The following TTN variants were observed in gnomAD, a reference collection of about 807,000 sequenced individuals.
TTN encodes connectin.
TTN carries 1,525 observed loss-of-function variants against 3,223.0 expected under a neutral mutation model. The ratio of observed to expected loss-of-function variants is 0.47; its 90% CI spans 0.45 to 0.49. TTN has a LOEUF of 0.49. TTN is among the 20% of genes least tolerant of loss of function. The probability of loss-of-function intolerance (pLI) is 0.00; values close to 1 mark genes in which losing one functional copy is unlikely to be tolerated. For synonymous variants in TTN, 14,094 were observed against 15,161.0 expected (o/e 0.93, Z 5.17); for missense variants, 40,786 against 43,424.0 (o/e 0.94, Z 5.40).
In TTN at chr2:178,642,309, C is replaced by G. The variant is rs767861982; in HGVS notation, c.40486G>C (p.Gly13496Arg). 1 of 1,586,622 alleles carries G rather than the reference C, an allele frequency of 6.3e-7. No individual in the cohort carries two copies. The highest frequency in any genetic ancestry group is 8.6e-7 in the Non-Finnish European group (1 of 1,166,066). ...VELTPLKVPG[G>R]EKKVRKLLPE... Reference sequence around the variant, plus strand: ...AGTAATTTGCGAACTTTCTTTTCACCTCCAGGCACTTAAAAGAATATGATT... The same window carrying G: ...AGTAATTTGCGAACTTTCTTTTCACGTCCAGGCACTTAAAAGAATATGATT... The change falls in exon 219 of 363, where the codon GGT becomes CGT. Residue 13496 changes from glycine (G) to arginine (R), a missense_variant. By Grantham distance (125) the Gly-to-Arg change is moderately radical. Transcript: ENST00000589042.
In TTN at chr2:178,730,709, CT is replaced by C. The variant is rs2154308403; in HGVS notation, c.17823del (p.Ile5941MetfsTer8). 3.7e-6 allele frequency: 6 copies of C among 1,613,582 alleles called. No individual in the cohort carries two copies. The highest frequency in any genetic ancestry group is 5.1e-6 in the Non-Finnish European group (6 of 1,179,646). On this transcript the variant is annotated frameshift_variant, in exon 61 of 363. Transcript: ENST00000589042. LOFTEE classifies it high-confidence loss of function. Reference sequence around the variant, plus strand: ...ATGCTTATGGGATGTGACCCAGCCACTATACATTCTAAATCAATGAAAGAAC... The same window carrying C: ...ATGCTTATGGGATGTGACCCAGCCACATACATTCTAAATCAATGAAAGAAC... ...IKGSFIDLECIVAGSHPISIQ... is the reference protein window; with the variant it reads ...IKGSFIDLECXVAGSHPISIQ...
chr2:178,711,066 G>A lies in TTN; in HGVS notation c.28170C>T (p.Leu9390=), dbSNP rs149910892. The change falls in exon 97 of 363, where the codon CTC becomes CTT. Residue 9390 remains leucine (L), a synonymous_variant. Coordinates refer to ENST00000589042, the MANE Select transcript of TTN (RefSeq NM_001267550.2). ...AAAGTTTAAGAATCCACAAACCTGT[G>A]AGAATGAGCCTGGCACTGGAAGAAG... ...GSASSSARLI[L]TEGKNPPFFD... 79 of 1,576,416 alleles carry A rather than the reference G, an allele frequency of 5.0e-5. No homozygotes were observed. The African/African-American group carries it at 9.3e-4, about 19-fold the overall frequency.
chr2:178,536,904 C>T, intron 356 of TTN, 34 bp downstream of exon 356: 1 of 1,528,382 alleles, frequency 6.5e-7, no homozygotes, highest in Non-Finnish European at 8.8e-7. Context: ...TGGAACTTTA[C>T]CATAGGAAGA....
At position 178,553,054 on chromosome 2, in the gene TTN, G is replaced by A. The variant is rs1284316750; in HGVS notation, c.89846C>T (p.Thr29949Ile). 1.2e-6 allele frequency: 2 copies of A among 1,612,362 alleles called. No individual in the cohort carries two copies. The highest frequency in any genetic ancestry group is 1.7e-6 in the Non-Finnish European group (2 of 1,179,610). ...AGGAGGATCCCAGAGCAAAGTGACTGTGCCTCGAGAAACATGTTTAACCTG... is the reference window on the plus strand; with the variant it reads ...AGGAGGATCCCAGAGCAAAGTGACTATGCCTCGAGAAACATGTTTAACCTG... ...KLQVKHVSRG[T>I]VTLLWDPPLI... The change falls in exon 335 of 363, where the codon ACA (threonine) becomes ATA (isoleucine). Residue 29949 changes from threonine (T) to isoleucine (I), a missense_variant. Physicochemically the swap from Thr to Ile is moderately conservative, Grantham distance 89. Transcript: ENST00000589042.
Position 178,675,240 on chromosome 2 carries a change from C to T in TTN, c.34538-127G>A, listed in dbSNP as rs1000828748. The T allele has an allele frequency of 6.3e-5, 35 of 555,696 alleles. 3 individuals are homozygous for T. The South Asian group carries it at 9.5e-4, about 15-fold the overall frequency. The allele number at this position is 555,696 out of a possible 1,614,324, so 34.4% of individuals were successfully genotyped here. On this transcript the variant is annotated intron_variant, in intron 149 of 362. Coordinates refer to ENST00000589042, the MANE Select transcript of TTN (RefSeq NM_001267550.2). ...GCACATACACAAGATGAAACATTGA[C>T]ATTTCACAGAATCGGTTAATGAGAA...
intron 281 of TTN, 43 bp downstream of exon 281, chr2:178,604,665 A>G: frequency 1.3e-6 from 2 of 1,530,776 alleles, no homozygotes; most frequent in Non-Finnish European, 1.8e-6. Flanking sequence ...AACCAGAGTC[A>G]TGTACTTTTA....
Position 178,675,027 on chromosome 2 carries a change from A to G in TTN, c.34612+12T>C. The G allele has an allele frequency of 6.7e-7, 1 of 1,482,708 alleles. No homozygotes were observed. Among genetic ancestry groups the G allele is most frequent in the Non-Finnish European group, 9.0e-7 (1 of 1,114,612 alleles). The allele number at this position is 1,482,708 out of a possible 1,614,324, so 91.8% of individuals were successfully genotyped here. ...TGACTTTGAAATGTTATTTTCTTAG[A>G]AAGTTATCTACCTTCAACTGGTAGA... On this transcript the variant is annotated intron_variant, in intron 150 of 362. Coordinates refer to ENST00000589042, the MANE Select transcript of TTN (RefSeq NM_001267550.2).
Position 178,576,710 on chromosome 2 carries a change from C to T in TTN, c.69534G>A (p.Arg23178=). ...CCCATCGCAGGCTTTTCTTTTCTCT[C>T]CTTTCTACATGATATCCTGTAATTT... ...GSEITGYHVE[R]REKKSLRWVR... The change falls in exon 325 of 363, where the codon AGG becomes AGA. Residue 23178 remains arginine (R), a synonymous_variant. Transcript: ENST00000589042. The surrounding 1 kb of genome is among the most constrained non-coding windows in gnomAD (Gnocchi z 4.3). 6.2e-7 allele frequency: 1 copy of T among 1,613,532 alleles called. No homozygotes were observed. Among genetic ancestry groups the T allele is most frequent in the Non-Finnish European group, 8.5e-7 (1 of 1,179,620 alleles).
At chr2:178,722,188 G>T in intron 77 of TTN, 54 bp from the exon 78 acceptor site, 1 of 1,528,822 alleles carries the variant, frequency 6.5e-7, no homozygotes, top group Non-Finnish European at 8.8e-7. Flanking sequence ...TTTTGCCATT[G>T]GTCGTTTCTA....
chr2:178,591,021 T>C lies in TTN; in HGVS notation c.60704A>G (p.His20235Arg), dbSNP rs2050096769. Residue 20235 changes from histidine (H) to arginine (R), a missense_variant, in exon 304 of 363, where the codon CAT becomes CGT. His to Arg is a conservative substitution (Grantham distance 29). Transcript: ENST00000589042. The stretch of plus-strand genomic sequence containing the variant: ...AACATATTCACAGCCCTTCTGCAGA[T>C]GTGGGATTTTCAGCTTTGTCTTACT... ...GSSKTKLKIP[H>R]LQKGCEYVFR... The C allele has an allele frequency of 1.2e-6, 2 of 1,613,392 alleles. No homozygotes were observed. The highest frequency in any genetic ancestry group is 1.3e-5 in the African/African-American group (1 of 74,888).
intron 131 of TTN, 124 bp from the exon 132 acceptor site, chr2:178,684,537 G>A (rs1157916484): frequency 7.5e-7 from 1 of 1,341,426 alleles, no homozygotes; most frequent in Non-Finnish European, 1.0e-6. Flanking sequence ...AACATCACAA[G>A]TAATACTCTA....
chr2:178,546,656 C>G lies in TTN; in HGVS notation c.94772G>C (p.Gly31591Ala). 10 of 1,613,722 alleles carry G rather than the reference C, an allele frequency of 6.2e-6. No homozygotes were observed. Among genetic ancestry groups the G allele is most frequent in the Non-Finnish European group, 8.5e-6 (10 of 1,179,730 alleles). ...EFRVLAKNAA[G>A]VISKGSESTG... Reference sequence around the variant, plus strand: ...AGATTCAGACCCTTTGCTAATTACGCCTGCTGCATTCTTGGCTAACACACG... The same window carrying G: ...AGATTCAGACCCTTTGCTAATTACGGCTGCTGCATTCTTGGCTAACACACG... Residue 31591 changes from glycine to alanine, a missense_variant, in exon 341 of 363, where the codon GGC becomes GCC. Coordinates refer to ENST00000589042, the MANE Select transcript of TTN (RefSeq NM_001267550.2).
rs371711135 is a variant in TTN, at chr2:178,569,394, T to C, written c.76738A>G (p.Thr25580Ala). 1.7e-5 allele frequency: 27 copies of C among 1,613,292 alleles called. No homozygotes were observed. In the African/African-American group the frequency reaches 2.0e-4, roughly 12 times the overall value. Residue 25580 changes from threonine (T) to alanine (A), a missense_variant, in exon 326 of 363, where the codon ACG (threonine) becomes GCG (alanine). Physicochemically the swap from Thr to Ala is moderately conservative, Grantham distance 58 (BLOSUM62 0). Coordinates refer to ENST00000589042, the MANE Select transcript of TTN (RefSeq NM_001267550.2). ...CCACTGCTGTTTTCTAATGTAAGCG[T>C]ATATTTTCCACTATCATATCGGTTG... ...NVNRYDSGKY[T>A]LTLENSSGTK...
rs886039080 is a variant in TTN at position 178,567,639 on chromosome 2, C to T, written c.78493G>A (p.Ala26165Thr). The T allele has an allele frequency of 9.9e-6, 16 of 1,612,118 alleles. No homozygotes were observed. The highest frequency in any genetic ancestry group is 2.2e-5 in the East Asian group (1 of 44,786). The change falls in exon 326 of 363, where the codon GCA becomes ACA. Residue 26165 changes from alanine to threonine, a missense_variant. By Grantham distance (58) the Ala-to-Thr change is moderately conservative (BLOSUM62 0). Transcript: ENST00000589042. ...EDQRYEFRVI[A>T]KNAAGAISKP... is the part of the protein sequence containing the mutation. ...CTTATTGCACCAGCTGCATTCTTTG[C>T]AATGACTCTGAATTCATATCTTTGA...
chr2:178,685,110 T>A, intron 129 of TTN, 121 bp from the exon 130 acceptor site: 1 of 1,137,188 alleles, frequency 8.8e-7, no homozygotes. Context: ...ATGACTATAC[T>A]CAGTAAATAC....
Position 178,739,856 on chromosome 2 carries a change from A to T in TTN, c.13377T>A (p.Ile4459=). ...KSVTEEVTII[I]EDVDPQMANL... ...TAGCCATTTGAGGATCAACATCTTC[A>T]ATAATGATGGTTACTTCTTCTGTTA... Residue 4459 remains isoleucine, a synonymous_variant, in exon 48 of 363, where the codon ATT becomes ATA. Transcript: ENST00000589042. The T allele has an allele frequency of 6.2e-7, 1 of 1,613,928 alleles. No homozygotes were observed. Among genetic ancestry groups the T allele is most frequent in the Non-Finnish European group, 8.5e-7 (1 of 1,179,836 alleles).
rs1240773948 is a variant in TTN at position 178,635,706 on chromosome 2, C to G, written c.41618G>C (p.Arg13873Thr). ...SSCVKVVEVI[R>T]DWLVKPIRDQ... ...TCGTATAGGTTTCACCAGCCAATCT[C>G]TAATGACTTCTATATGAAAATAAGA... Residue 13873 changes from arginine (R) to threonine (T), a missense_variant, in exon 227 of 363, where the codon AGA becomes ACA. Transcript: ENST00000589042. The G allele has an allele frequency of 6.3e-7, 1 of 1,598,038 alleles. No individual in the cohort carries two copies. Among genetic ancestry groups the G allele is most frequent in the South Asian group, 1.1e-5 (1 of 88,260 alleles).
At chr2:178,797,304 G>C (rs2093817418) in intron 6 of TTN, among the ~76,000 whole-genome samples, 1 of 151,998 alleles carries the variant, frequency 6.6e-6, no homozygotes, top group South Asian at 2.1e-4. Context: ...AAGGTTTCAT[G>C]TTAGTGTTTG....
At chr2:178,617,291 A>G in intron 254 of TTN, 34 bp downstream of exon 254, 1 of 1,543,762 alleles carries the variant, frequency 6.5e-7, no homozygotes, top group Non-Finnish European at 8.7e-7. Context: ...CATGATCCAC[A>G]TTGAATATTC....
Sources: allele counts gnomAD v4.1 joint callset (sites outside exome capture counted in the v4.1 genomes callset), GRCh38; gene constraint gnomAD v4.1.1; non-coding constraint Gnocchi (gnomAD v3.1); transcripts MANE v1.5; gene names NCBI Gene and HGNC (gene_info 2026-07-23, HGNC 2026-07-21).